Variants in TAFA4 observed in about 807,000 individuals in gnomAD.
TAFA4 encodes TAFA chemokine like family member 4, also known as chemokine-like protein TAFA-4.
TAFA4 carries 20 observed loss-of-function variants against 21.1 expected under a neutral mutation model. That is an observed-to-expected ratio of 0.95 (90% CI 0.67 to 1.38). The LOEUF is 1.38. TAFA4 is among the 40% of genes most tolerant of loss of function. The pLI is 0.00. For missense variants in TAFA4, 211 were observed against 180.9 expected, an observed-to-expected ratio of 1.17 and a Z score of -0.95; for synonymous variants, 71 against 67.4, an observed-to-expected ratio of 1.05 and a Z score of -0.26.
intron 2 of TAFA4, among the ~76,000 whole-genome samples, chr3:68,884,690 T>C (rs2089653121): frequency 6.6e-6 from 1 of 152,222 alleles, no homozygotes. Context: ...GTTTTCCTGG[T>C]TGGATTCCAA....
intron 3 of TAFA4, among the ~76,000 whole-genome samples, chr3:68,863,079 A>C (rs545222344): frequency 1.3e-5 from 2 of 151,792 alleles, no homozygotes; most frequent in Admixed American, 1.3e-4. Context: ...ACAAAAAAAA[A>C]AAAAAAAAAT....
At chr3:68,866,110 T>C (rs1316016043) in intron 3 of TAFA4, among the ~76,000 whole-genome samples, 2 of 152,000 alleles carry the variant, frequency 1.3e-5, no homozygotes, top group Non-Finnish European at 2.9e-5. Context: ...TAGAAACAAA[T>C]AGAGGATGTA....
intron 3 of TAFA4, among the ~76,000 whole-genome samples, chr3:68,776,183 T>G (rs1442022086): frequency 6.6e-6 from 1 of 151,888 alleles, no homozygotes; most frequent in Non-Finnish European, 1.5e-5. Context: ...TAATAATAAT[T>G]ATAATCCAGG....
At chr3:68,795,499 C>T (rs931087715) in intron 3 of TAFA4, among the ~76,000 whole-genome samples, 4 of 152,108 alleles carry the variant, frequency 2.6e-5, no homozygotes, top group Admixed American at 6.6e-5. Context: ...CTCAAGCTTA[C>T]CCAAGCAAGA....
At chr3:68,821,003 G>A (rs1056929145) in intron 3 of TAFA4, among the ~76,000 whole-genome samples, 1 of 152,142 alleles carries the variant, frequency 6.6e-6, no homozygotes, top group African/African-American at 2.4e-5. Context: ...ATGATGTAGT[G>A]TACAAATACC....
intron 5 of TAFA4, among the ~76,000 whole-genome samples, chr3:68,735,353 G>T (rs1315453912): frequency 6.6e-6 from 1 of 152,076 alleles, no homozygotes; most frequent in African/African-American, 2.4e-5. Context: ...ACCTGGGCAG[G>T]GAGCTTACCT....
At chr3:68,853,662 T>C (rs1390053040) in intron 3 of TAFA4, among the ~76,000 whole-genome samples, 1 of 152,206 alleles carries the variant, frequency 6.6e-6, no homozygotes, top group Non-Finnish European at 1.5e-5. Flanking sequence ...CTTTATTAAT[T>C]ATTCATTTCA....
chr3:68,897,543 T>C (rs2089804056), intron 1 of TAFA4, among the ~76,000 whole-genome samples: 1 of 151,872 alleles, frequency 6.6e-6, no homozygotes, highest in Non-Finnish European at 1.5e-5. Flanking sequence ...GAAGAATCGC[T>C]TGAACCCGGG....
At chr3:68,876,774 G>A (rs2089554228) in intron 3 of TAFA4, among the ~76,000 whole-genome samples, 2 of 151,766 alleles carry the variant, frequency 1.3e-5, no homozygotes, top group Non-Finnish European at 2.9e-5. Flanking sequence ...CCATAAATTT[G>A]AACAGTACAG....
At chr3:68,858,134 T>G (rs1705112258) in intron 3 of TAFA4, among the ~76,000 whole-genome samples, 1 of 152,064 alleles carries the variant, frequency 6.6e-6, no homozygotes, top group African/African-American at 2.4e-5. Context: ...AGCCAGCACT[T>G]AAGTCATCTG....
rs150526548 is a variant in TAFA4, at chr3:68,792,822, C to G, written c.131-39804G>C. ...AAATACATTCTGAAGATAGAAACAA[C>G]TTTGCTTCCATTCCTAATGAAACTC... On this transcript the variant is annotated intron_variant, in intron 3 of 5. Coordinates refer to ENST00000295569, the MANE Select transcript of TAFA4 (RefSeq NM_182522.5). Among the ~76,000 whole-genome samples the G allele has an allele frequency of 2.3e-3, 356 of 152,276 alleles. 3 individuals are homozygous for G. Among genetic ancestry groups the G allele is most frequent in the African/African-American group, 7.7e-3 (319 of 41,558 alleles).
At chr3:68,802,974 G>A (rs1360714601) in intron 3 of TAFA4, among the ~76,000 whole-genome samples, 3 of 152,196 alleles carry the variant, frequency 2.0e-5, no homozygotes, top group Non-Finnish European at 1.5e-5. Context: ...ATGCTGAGCT[G>A]TACAATCCAA....
At chr3:68,881,709 G>A (rs2089620357) in intron 2 of TAFA4, among the ~76,000 whole-genome samples, 1 of 152,060 alleles carries the variant, frequency 6.6e-6, no homozygotes, top group Non-Finnish European at 1.5e-5. Flanking sequence ...TACCACAATG[G>A]ATCAAAGAAA....
At chr3:68,822,350 G>C (rs1704131299) in intron 3 of TAFA4, among the ~76,000 whole-genome samples, 1 of 152,192 alleles carries the variant, frequency 6.6e-6, no homozygotes, top group Admixed American at 6.5e-5. Flanking sequence ...GTCCTGCTGA[G>C]TGACAATGGC....
rs539818068 is a variant in TAFA4 at position 68,774,903 on chromosome 3, G to C, written c.131-21885C>G. ...ATAAAAATAAAGTCAAAACATAGGA[G>C]GAGGCTCTATACTTGTTCTCGGGAT... On this transcript the variant is annotated intron_variant, in intron 3 of 5. Transcript: ENST00000295569. 5.3e-5 allele frequency among the ~76,000 whole-genome samples: 8 copies of C among 152,174 alleles called. No individual in the cohort carries two copies. The South Asian group carries it at 1.7e-3, about 32-fold the overall frequency.
At chr3:68,899,136 T>C (rs1368633183) in intron 1 of TAFA4, among the ~76,000 whole-genome samples, 3 of 152,300 alleles carry the variant, frequency 2.0e-5, no homozygotes, top group South Asian at 2.1e-4. Flanking sequence ...ATGTGTAAAC[T>C]TTATGAAATA....
intron 3 of TAFA4, among the ~76,000 whole-genome samples, chr3:68,810,628 G>A (rs1386526437): frequency 6.6e-6 from 1 of 152,146 alleles, no homozygotes; most frequent in Non-Finnish European, 1.5e-5. Context: ...CTGGGGGAGG[G>A]GCGCCCACCA....
At chr3:68,827,438 C>G (rs938043989) in intron 3 of TAFA4, among the ~76,000 whole-genome samples, 1 of 152,192 alleles carries the variant, frequency 6.6e-6, no homozygotes, top group African/African-American at 2.4e-5. Context: ...ATTTCTGGTT[C>G]TAGATCCTTG....
At chr3:68,791,548 T>C (rs923250884) in intron 3 of TAFA4, among the ~76,000 whole-genome samples, 2 of 152,232 alleles carry the variant, frequency 1.3e-5, no homozygotes, top group African/African-American at 2.4e-5. Context: ...TGTAGCACTT[T>C]GTTATGGCAT....
Sources: allele counts gnomAD v4.1 joint callset (sites outside exome capture counted in the v4.1 genomes callset), GRCh38; gene constraint gnomAD v4.1.1; transcripts MANE v1.5; gene names NCBI Gene and HGNC (gene_info 2026-07-23, HGNC 2026-07-21).